Variants in PGLYRP4 observed in about 807,000 individuals in gnomAD.
The protein encoded by PGLYRP4 is PGRP-I-beta.
PGLYRP4 carries 39 observed loss-of-function variants against 41.2 expected under a neutral mutation model. The ratio of observed to expected loss-of-function variants is 0.95; its 90% CI spans 0.73 to 1.24. PGLYRP4 has a LOEUF of 1.24. Ranked by LOEUF, PGLYRP4 falls within the 50% of genes most tolerant of loss-of-function variation. The pLI is 0.00. For missense variants in PGLYRP4, 467 were observed against 460.7 expected (o/e 1.01, Z -0.13); for synonymous variants, 202 against 186.8 (o/e 1.08, Z -0.66).
At chr1:153,344,823 A>G (rs1055501616) in intron 4 of PGLYRP4, among the ~76,000 whole-genome samples, 2 of 152,182 alleles carry the variant, frequency 1.3e-5, no homozygotes, top group African/African-American at 2.4e-5. Flanking sequence ...TTCCCAGGGC[A>G]AAGAGATGGT....
chr1:153,347,795 G>A (rs1050911735), intron 2 of PGLYRP4, 89 bp downstream of exon 2: 22 of 971,656 alleles, frequency 2.3e-5, no homozygotes, highest in African/African-American at 3.2e-5. Context: ...CTCAGGCTCA[G>A]ATGGACAGTA....
intron 7 of PGLYRP4, 130 bp from the exon 8 acceptor site, chr1:153,337,429 T>G: frequency 1.6e-6 from 1 of 626,800 alleles, no homozygotes; most frequent in Non-Finnish European, 2.8e-6. Context: ...AGCACTGGGT[T>G]ACAGAAACAA....
intron 7 of PGLYRP4, among the ~76,000 whole-genome samples, chr1:153,338,302 C>T (rs1043448543): frequency 6.6e-6 from 1 of 152,208 alleles, no homozygotes; most frequent in Non-Finnish European, 1.5e-5. Context: ...CCATTAACCT[C>T]CACTGACCTC....
intron 7 of PGLYRP4, among the ~76,000 whole-genome samples, chr1:153,340,063 T>G (rs370664098): frequency 1.3e-5 from 2 of 152,314 alleles, no homozygotes; most frequent in East Asian, 3.9e-4. Context: ...TTCGATTATC[T>G]TTTCTACAGG....
chr1:153,340,632 C>G, intron 6 of PGLYRP4, 53 bp from the exon 7 acceptor site: 1 of 1,561,032 alleles, frequency 6.4e-7, no homozygotes, highest in South Asian at 1.1e-5. Flanking sequence ...CTATGCCAGC[C>G]ACTTCTCCAC....
intron 7 of PGLYRP4, among the ~76,000 whole-genome samples, chr1:153,338,835 T>A (rs2101563908): frequency 6.6e-6 from 1 of 152,306 alleles, no homozygotes; most frequent in South Asian, 2.1e-4. Flanking sequence ...CTACCCTCCA[T>A]GTGTCCCCTA....
Position 153,345,235 on chromosome 1 carries a change from C to T in PGLYRP4, c.287G>A (p.Ser96Asn). 6.2e-7 allele frequency: 1 copy of T among 1,614,134 alleles called. No homozygotes were observed. Among genetic ancestry groups the T allele is most frequent in the South Asian group, 1.1e-5 (1 of 91,082 alleles). ...GGCCTGCAGTTCCCGCAGTCTCTGG[C>T]TGCAGACTGTCTGGTCGTGACACTC... ...GLECHDQTVC[S>N]QRLRELQAHH... Residue 96 changes from serine (S) to asparagine (N), a missense_variant, in exon 4 of 9, where the codon AGC becomes AAC. Physicochemically the swap from Ser to Asn is conservative, Grantham distance 46. Transcript: ENST00000359650.
chr1:153,345,513 C>A, intron 3 of PGLYRP4, 131 bp from the exon 4 acceptor site: 1 of 719,968 alleles, frequency 1.4e-6, no homozygotes, highest in Non-Finnish European at 2.4e-6. Context: ...ACCTGCCCTG[C>A]CCACCTCTAC....
chr1:153,343,337 T>A (rs1660876396), intron 4 of PGLYRP4, 129 bp from the exon 5 acceptor site: 6 of 655,856 alleles, frequency 9.1e-6, no homozygotes, highest in Non-Finnish European at 1.6e-5. Flanking sequence ...TTGCATGAAC[T>A]CTTCCCAGAC....
chr1:153,330,735 G>A lies in PGLYRP4; in HGVS notation c.*32C>T, dbSNP rs1339916659. ...GACAGGAGAGACCTGACAGGGGAGG[G>A]AAAGCAGTCTCAGAAGGACCTGGGG... On this transcript the variant is annotated 3_prime_UTR_variant, in exon 9 of 9. Coordinates refer to ENST00000359650, the MANE Select transcript of PGLYRP4 (RefSeq NM_020393.4). 2.5e-6 allele frequency: 4 copies of A among 1,592,760 alleles called. No homozygotes were observed. The highest frequency in any genetic ancestry group is 1.1e-5 in the South Asian group (1 of 89,928).
Position 153,345,247 on chromosome 1 carries a change from T to C in PGLYRP4, c.275A>G (p.Gln92Arg), listed in dbSNP as rs3006453. 83,206 of 1,614,088 alleles carry C rather than the reference T, an allele frequency of 0.052. 2,430 individuals are homozygous for C. Among genetic ancestry groups the C allele is most frequent in the Middle Eastern group, 0.078 (470 of 6,062 alleles). ...CCGCAGTCTCTGGCTGCAGACTGTC[T>C]GGTCGTGACACTCCAGTCCAGGGAC... ...HHVPGLECHD[Q>R]TVCSQRLREL... is the part of the protein sequence containing the mutation. The change falls in exon 4 of 9, where the codon CAG becomes CGG. Residue 92 changes from glutamine (Q) to arginine (R), a missense_variant. Transcript: ENST00000359650.
intron 5 of PGLYRP4, among the ~76,000 whole-genome samples, chr1:153,342,476 G>A (rs999346731): frequency 6.6e-6 from 1 of 152,162 alleles, no homozygotes; most frequent in Non-Finnish European, 1.5e-5. Flanking sequence ...GTACTGGAAG[G>A]GGAAAATGAG....
chr1:153,346,148 C>A lies in PGLYRP4; in HGVS notation c.93G>T (p.Glu31Asp). Residue 31 changes from glutamate (E) to aspartate (D), a missense_variant, in exon 3 of 9, where the codon GAG (glutamate) becomes GAT (aspartate). By Grantham distance (45) the Glu-to-Asp change is conservative. Coordinates refer to ENST00000359650, the MANE Select transcript of PGLYRP4 (RefSeq NM_020393.4). ...TGTTCTCAAATAGGTACTGGAGCCC[C>A]TCTGATACCTGTTTAGCTTGTGTTT... is the stretch of plus-strand genomic sequence containing the variant. ...WNKTQAKQVS[E>D]GLQYLFENIS... The A allele has an allele frequency of 6.2e-7, 1 of 1,614,088 alleles. No homozygotes were observed. Among genetic ancestry groups the A allele is most frequent in the Non-Finnish European group, 8.5e-7 (1 of 1,179,948 alleles).
At chr1:153,347,474 A>G (rs1390045594) in intron 2 of PGLYRP4, among the ~76,000 whole-genome samples, 2 of 151,434 alleles carry the variant, frequency 1.3e-5, no homozygotes. Flanking sequence ...GCTTCAAGCA[A>G]TTCTCCTACC....
chr1:153,335,301 A>G (rs1440455209), intron 8 of PGLYRP4, among the ~76,000 whole-genome samples: 1 of 152,234 alleles, frequency 6.6e-6, no homozygotes, highest in Non-Finnish European at 1.5e-5. Flanking sequence ...TGCATCTGAC[A>G]AAGAGCTAAT....
intron 4 of PGLYRP4, among the ~76,000 whole-genome samples, chr1:153,344,658 C>T (rs1660928599): frequency 6.6e-6 from 1 of 152,184 alleles, no homozygotes; most frequent in East Asian, 1.9e-4. Context: ...CTAGAGCGAT[C>T]ATTACAGGAA....
At position 153,330,828 on chromosome 1, in the gene PGLYRP4, G is replaced by T. The variant is rs754730318; in HGVS notation, c.1061C>A (p.Thr354Asn). The T allele has an allele frequency of 6.2e-7, 1 of 1,613,918 alleles. No individual in the cohort carries two copies. Among genetic ancestry groups the T allele is most frequent in the Admixed American group, 1.7e-5 (1 of 60,004 alleles). Residue 354 changes from threonine to asparagine, a missense_variant, in exon 9 of 9, where the codon ACC (threonine) becomes AAC (asparagine). Thr to Asn is a moderately conservative substitution (Grantham distance 65). Coordinates refer to ENST00000359650, the MANE Select transcript of PGLYRP4 (RefSeq NM_020393.4). ...GTACAAAGCCTGCCCAGGAGACAAG[G>T]TTCGGGCCACATCACTGTGGCCCAC... ...LLVGHSDVAR[T>N]LSPGQALYNI...
chr1:153,346,711 A>C (rs1661026063), intron 2 of PGLYRP4, among the ~76,000 whole-genome samples: 1 of 152,202 alleles, frequency 6.6e-6, no homozygotes, highest in Admixed American at 6.5e-5. Context: ...ACCCACAAGG[A>C]GCTTTCTCTT....
chr1:153,337,188 G>A lies in PGLYRP4; in HGVS notation c.936C>T (p.Thr312=). The change falls in exon 8 of 9, where the codon ACC becomes ACT. Residue 312 remains threonine (T), a synonymous_variant. Transcript: ENST00000359650. The stretch of plus-strand genomic sequence containing the variant: ...ACCAAAGCATCCACTTACCTGTGAA[G>A]GTGCCCATGAAGGTAATGCCCAGGG... ...DIALGITFMG[T]FTGIPPNAAA... The A allele has an allele frequency of 6.2e-7, 1 of 1,602,448 alleles. No homozygotes were observed. Among genetic ancestry groups the A allele is most frequent in the Admixed American group, 1.7e-5 (1 of 59,978 alleles).
Sources: allele counts gnomAD v4.1 joint callset (sites outside exome capture counted in the v4.1 genomes callset), GRCh38; gene constraint gnomAD v4.1.1; transcripts MANE v1.5; gene names NCBI Gene and HGNC (gene_info 2026-07-23, HGNC 2026-07-21).